LRRC75A: variants seen among roughly 807,000 people sequenced by gnomAD.
The protein encoded by LRRC75A is leucine-rich repeat-containing protein 75A.
LRRC75A carries 12 observed loss-of-function variants against 26.0 expected under a neutral mutation model. The observed-to-expected ratio is 0.46, with a 90% CI of 0.30 to 0.75. The LOEUF is 0.75. Ranked by LOEUF, LRRC75A falls within the 30% of genes least tolerant of loss-of-function variation. The pLI, the probability that LRRC75A is intolerant of heterozygous loss-of-function variation, is 0.08. For missense variants in LRRC75A, 410 were observed against 486.6 expected (o/e 0.84, Z 1.48); for synonymous variants, 223 against 219.3 (o/e 1.02, Z -0.15).
chr17:16,471,274 T>A (rs1452090107), intron 1 of LRRC75A, among the ~76,000 whole-genome samples: 1 of 152,166 alleles, frequency 6.6e-6, no homozygotes. Flanking sequence ...TCCCCTGGAA[T>A]CTCTGGATGG....
intron 3 of LRRC75A, among the ~76,000 whole-genome samples, chr17:16,446,188 CGT>C (rs2093583910): frequency 6.6e-6 from 1 of 152,096 alleles, no homozygotes; most frequent in African/African-American, 2.4e-5. Flanking sequence ...GGATTACAGG[CGT>C]GAGCCACCGT....
intron 1 of LRRC75A, among the ~76,000 whole-genome samples, chr17:16,471,326 C>G (rs2093805421): frequency 6.6e-6 from 1 of 152,218 alleles, no homozygotes; most frequent in Non-Finnish European, 1.5e-5. Context: ...TTCTGGCCTC[C>G]AAACCATGAG....
chr17:16,481,157 G>T (rs1361396042), intron 1 of LRRC75A, among the ~76,000 whole-genome samples: 1 of 152,214 alleles, frequency 6.6e-6, no homozygotes, highest in South Asian at 2.1e-4. Flanking sequence ...CCTCAGCGCT[G>T]CCTGTCCTCT....
In LRRC75A at chr17:16,443,644, C is replaced by T. The variant is rs770006050; in HGVS notation, c.979G>A (p.Ala327Thr). ...GQEDPGGGPV[A>T]PAEDHHEGKE... ...CCCTCATGGTGGTCTTCGGCAGGTG[C>T]CACAGGGCCCCCTCCAGGGTCCTCC... Residue 327 changes from alanine (A) to threonine (T), a missense_variant, in exon 4 of 4, where the codon GCA (alanine) becomes ACA (threonine). Physicochemically the swap from Ala to Thr is moderately conservative, Grantham distance 58. Coordinates refer to ENST00000470794, the MANE Select transcript of LRRC75A (RefSeq NM_001113567.3). 4 of 1,557,208 alleles carry T rather than the reference C, an allele frequency of 2.6e-6. No homozygotes were observed. Among genetic ancestry groups the T allele is most frequent in the Non-Finnish European group, 3.5e-6 (4 of 1,149,910 alleles).
At position 16,444,130 on chromosome 17, in the gene LRRC75A, G is replaced by A. The variant is rs1431738180; in HGVS notation, c.493C>T (p.Leu165Phe). The A allele has an allele frequency of 6.9e-6, 11 of 1,587,054 alleles. No individual in the cohort carries two copies. The highest frequency in any genetic ancestry group is 1.7e-5 in the Admixed American group (1 of 57,818). ...GLVKRKPQAC[L>F]KAVLAGSPPD... ...GGGCTTCCGGCCAGGACAGCCTTGAGGCTGAAGGGAAAAAGGACAAACAAG... is the reference window on the plus strand; with the variant it reads ...GGGCTTCCGGCCAGGACAGCCTTGAAGCTGAAGGGAAAAAGGACAAACAAG... The change falls in exon 4 of 4, where the codon CTC (leucine) becomes TTC (phenylalanine). Residue 165 changes from leucine (L) to phenylalanine (F), a missense_variant and splice_region_variant. Leu to Phe is a conservative substitution (Grantham distance 22, BLOSUM62 0). Transcript: ENST00000470794.
At chr17:16,485,673 T>TTC (rs1268694815) in intron 1 of LRRC75A, among the ~76,000 whole-genome samples, 327 of 136,162 alleles carry the variant, frequency 2.4e-3, no homozygotes, top group African/African-American at 9.1e-3. Flanking sequence ...TGTGTGTTCG[T>TTC]GTGTGTGTGT....
At chr17:16,451,935 CG>C (rs35162815) in intron 2 of LRRC75A, among the ~76,000 whole-genome samples, 85,787 of 150,428 alleles carry the variant, frequency 0.57, 25,420 homozygotes, top group Non-Finnish European at 0.66. Context: ...TTAGTAGAGA[CG>C]GGGGGTCTCA....
At chr17:16,455,673 T>C (rs4792749) in intron 2 of LRRC75A, among the ~76,000 whole-genome samples, 59,350 of 152,020 alleles carry the variant, frequency 0.39, 11,937 homozygotes, top group African/African-American at 0.44. Flanking sequence ...TCCCATACCT[T>C]ACTACAACCC....
intron 2 of LRRC75A, among the ~76,000 whole-genome samples, chr17:16,453,842 C>A (rs779020089): frequency 6.6e-6 from 1 of 152,192 alleles, no homozygotes; most frequent in South Asian, 2.1e-4. Context: ...AACCAGAATT[C>A]TTCTTCCCCA....
rs755941452 is a variant in LRRC75A at position 16,456,420 on chromosome 17, AGAG to A, written c.375+5835_375+5837del. On this transcript the variant is annotated intron_variant, in intron 2 of 3. Transcript: ENST00000470794. ...AAAAGGAGGAAGAGGAGGAGGAGGA[AGAG>A]GAGCAGAAGAAGGAAGAGGAGGAGG... is the stretch of plus-strand genomic sequence containing the variant. Among the ~76,000 whole-genome samples the A allele has an allele frequency of 3.2e-3, 443 of 137,886 alleles. 4 individuals are homozygous for A. The highest frequency in any genetic ancestry group is 0.011 in the African/African-American group (399 of 36,596). The allele number at this position is 137,886 out of a possible 152,430, so 90.5% of individuals were successfully genotyped here.
chr17:16,486,077 G>C (rs1357833123), intron 1 of LRRC75A, among the ~76,000 whole-genome samples: 1 of 152,164 alleles, frequency 6.6e-6, no homozygotes, highest in East Asian at 1.9e-4. Context: ...GTGCCTGATG[G>C]GAAGTTTCAA....
intron 1 of LRRC75A, among the ~76,000 whole-genome samples, chr17:16,467,511 C>T (rs1311565376): frequency 6.6e-6 from 1 of 152,132 alleles, no homozygotes; most frequent in Admixed American, 6.5e-5. Flanking sequence ...GTACATGTTT[C>T]CCCCCAGGAG....
chr17:16,477,169 G>A lies in LRRC75A; in HGVS notation c.246+14576C>T, dbSNP rs532136371. On this transcript the variant is annotated intron_variant, in intron 1 of 3. Coordinates refer to ENST00000470794, the MANE Select transcript of LRRC75A (RefSeq NM_001113567.3). Reference sequence around the variant, plus strand: ...CGAAGTTCTGGGATTACAGGCATAAGCCACCATGCCTAGCCTCAGATGTTA... The same window carrying A: ...CGAAGTTCTGGGATTACAGGCATAAACCACCATGCCTAGCCTCAGATGTTA... Among the ~76,000 whole-genome samples, 229 of 152,304 alleles carry A rather than the reference G, an allele frequency of 1.5e-3. 1 individual carries two copies. Among genetic ancestry groups the A allele is most frequent in the Non-Finnish European group, 2.2e-3 (153 of 68,028 alleles).
rs2093544886 is a variant in LRRC75A, at chr17:16,442,904, C to CCTGT, written c.*683_*684insACAG. 1 of 152,264 alleles carries CCTGT rather than the reference C, an allele frequency of 6.6e-6. No individual in the cohort carries two copies. Among genetic ancestry groups the CCTGT allele is most frequent in the African/African-American group, 2.4e-5 (1 of 41,456 alleles). 9.4% of individuals were successfully genotyped at this position (152,264 alleles called of 1,614,324 possible). On this transcript the variant is annotated 3_prime_UTR_variant, in exon 4 of 4. Transcript: ENST00000470794. ...CTGAACAGGACTTTATGCCTGTATGCATGGGCACCATGTCTGTCCTGAGCA... is the reference window on the plus strand; with the variant it reads ...CTGAACAGGACTTTATGCCTGTATGCCTGTATGGGCACCATGTCTGTCCTGAGCA...
intron 2 of LRRC75A, among the ~76,000 whole-genome samples, chr17:16,460,380 G>A (rs550261109): frequency 1.5e-4 from 23 of 152,284 alleles, no homozygotes; most frequent in South Asian, 6.2e-4. Context: ...AGGAGTTCCC[G>A]CCCCTCCTCC....
At chr17:16,459,049 G>A (rs2093707429) in intron 2 of LRRC75A, among the ~76,000 whole-genome samples, 1 of 152,170 alleles carries the variant, frequency 6.6e-6, no homozygotes, top group Non-Finnish European at 1.5e-5. Context: ...GTCTTTGGAT[G>A]TCTCAATGTC....
intron 2 of LRRC75A, among the ~76,000 whole-genome samples, chr17:16,453,320 G>GCA (rs1197458042): frequency 9.3e-6 from 1 of 107,410 alleles, no homozygotes; most frequent in Admixed American, 9.9e-5. Context: ...ACGCACACAC[G>GCA]CACACACGCA....
At position 16,443,663 on chromosome 17, in the gene LRRC75A, GTCC is replaced by G; in HGVS notation, c.957_959del (p.Glu319del). The stretch of plus-strand genomic sequence containing the variant: ...CAGGTGCCACAGGGCCCCCTCCAGG[GTCC>G]TCCTGGCCTACTGTCCCTTCCCGGA... On this transcript the variant is annotated inframe_deletion, in exon 4 of 4. Coordinates refer to ENST00000470794, the MANE Select transcript of LRRC75A (RefSeq NM_001113567.3). The G allele has an allele frequency of 6.3e-7, 1 of 1,577,396 alleles. No individual in the cohort carries two copies. The highest frequency in any genetic ancestry group is 8.6e-7 in the Non-Finnish European group (1 of 1,161,386).
intron 2 of LRRC75A, among the ~76,000 whole-genome samples, chr17:16,458,294 G>A (rs150856470): frequency 0.016 from 2,434 of 152,086 alleles, 45 homozygotes; most frequent in Non-Finnish European, 0.022. Context: ...GTGATACAGC[G>A]AGACTCTGTC....
Sources: gnomAD v4.1 joint callset for allele counts (sites outside exome capture counted in the v4.1 genomes callset) on GRCh38, gnomAD v4.1.1 for gene constraint, MANE v1.5 for transcripts, NCBI Gene and HGNC (gene_info 2026-07-23, HGNC 2026-07-21) for gene names.